Variants in ITFG1 observed in about 807,000 individuals in gnomAD.
ITFG1 encodes T-cell immunomodulatory protein.
A neutral mutation model predicts 81.8 loss-of-function variants in ITFG1; 34 were observed. The observed-to-expected ratio is 0.42, with a 90% CI of 0.32 to 0.55. The LOEUF (loss-of-function observed/expected upper bound fraction) is 0.55. ITFG1 is among the 20% of genes least tolerant of loss of function. The pLI is 0.17. For synonymous variants in ITFG1, 285 were observed against 270.6 expected (o/e 1.05, Z -0.52); for missense variants, 672 against 755.4 (o/e 0.89, Z 1.29).
At chr16:47,357,166 G>A (rs1968050562) in intron 8 of ITFG1, among the ~76,000 whole-genome samples, 1 of 151,866 alleles carries the variant, frequency 6.6e-6, no homozygotes, top group African/African-American at 2.4e-5. Flanking sequence ...TTAATTTGTG[G>A]GTTATATTAG....
intron 13 of ITFG1, among the ~76,000 whole-genome samples, chr16:47,231,948 T>C (rs368569047): frequency 1.3e-5 from 2 of 152,106 alleles, no homozygotes; most frequent in Admixed American, 6.5e-5. Context: ...AAGCTCCCCA[T>C]AGGAGAAAGA....
chr16:47,306,816 C>T (rs867916188), intron 10 of ITFG1, among the ~76,000 whole-genome samples: 18 of 151,958 alleles, frequency 1.2e-4, no homozygotes, highest in Admixed American at 3.3e-4. Flanking sequence ...AGAAAGAGGC[C>T]GGGCGCGGTG....
At chr16:47,436,388 ATTAT>A (rs1169922607) in intron 5 of ITFG1, among the ~76,000 whole-genome samples, 1 of 152,304 alleles carries the variant, frequency 6.6e-6, no homozygotes, top group Non-Finnish European at 1.5e-5. Context: ...TTGAAGTTGA[ATTAT>A]TTAAACTGTC....
intron 5 of ITFG1, among the ~76,000 whole-genome samples, chr16:47,445,247 GAAAAAAAAAAAAAAA>G (rs907756228): frequency 3.2e-5 from 1 of 30,820 alleles, no homozygotes; most frequent in Non-Finnish European, 6.8e-5. Flanking sequence ...CTCCGTCTCA[GAAAAAAAAAAAAAAA>G]AAAAAAAAAA....
chr16:47,288,776 T>C (rs1567446850), intron 10 of ITFG1, among the ~76,000 whole-genome samples: 2 of 152,150 alleles, frequency 1.3e-5, no homozygotes, highest in East Asian at 3.9e-4. Flanking sequence ...TGCACACCTG[T>C]AGTCCCAGCT....
At chr16:47,421,801 T>C (rs1968953723) in intron 6 of ITFG1, among the ~76,000 whole-genome samples, 1 of 152,128 alleles carries the variant, frequency 6.6e-6, no homozygotes, top group African/African-American at 2.4e-5. Flanking sequence ...TTACATTAGG[T>C]ATTTCTCCTA....
In ITFG1 at chr16:47,290,481, G is replaced by A. The variant is rs532362201; in HGVS notation, c.1070+20759C>T. ...TCTAAGAATATTTGCTTTATATATC[G>A]CAGTGCTCTGGTATTGAGTGTATTT... On this transcript the variant is annotated intron_variant, in intron 10 of 17. Coordinates refer to ENST00000320640, the MANE Select transcript of ITFG1 (RefSeq NM_030790.5). 9.9e-5 allele frequency among the ~76,000 whole-genome samples: 15 copies of A among 152,130 alleles called. No individual in the cohort carries two copies. In the East Asian group the frequency reaches 1.9e-3, roughly 20 times the overall value.
intron 14 of ITFG1, among the ~76,000 whole-genome samples, chr16:47,168,610 ATTCCTGGGCTCAAG>A (rs1964923243): frequency 6.7e-6 from 1 of 150,210 alleles, no homozygotes; most frequent in African/African-American, 2.5e-5. Flanking sequence ...CTGGTCTCAA[ATTCCTGGGCTCAAG>A]CAAGCCTTAT....
chr16:47,302,647 T>C (rs1363249728), intron 10 of ITFG1, among the ~76,000 whole-genome samples: 1 of 152,210 alleles, frequency 6.6e-6, no homozygotes, highest in Non-Finnish European at 1.5e-5. Flanking sequence ...AAATTAAAGA[T>C]AAATAAAGCC....
intron 14 of ITFG1, among the ~76,000 whole-genome samples, chr16:47,200,911 A>G (rs1965416708): frequency 6.6e-6 from 1 of 152,232 alleles, no homozygotes; most frequent in Non-Finnish European, 1.5e-5. Flanking sequence ...CGATATATGC[A>G]TCAAAGGGAA....
At chr16:47,166,725 T>A (rs1003769608) in intron 14 of ITFG1, among the ~76,000 whole-genome samples, 5 of 150,738 alleles carry the variant, frequency 3.3e-5, no homozygotes, top group African/African-American at 1.2e-4. Flanking sequence ...GGTAAAGGAA[T>A]TTTCCTAATC....
At chr16:47,409,850 A>C (rs1968788263) in intron 6 of ITFG1, among the ~76,000 whole-genome samples, 1 of 151,904 alleles carries the variant, frequency 6.6e-6, no homozygotes, top group Admixed American at 6.6e-5. Context: ...CTATATAGCC[A>C]AAAAAAACCT....
intron 7 of ITFG1, among the ~76,000 whole-genome samples, chr16:47,368,964 A>G (rs1252303404): frequency 6.6e-6 from 1 of 152,190 alleles, no homozygotes; most frequent in Non-Finnish European, 1.5e-5. Context: ...TTGGGGGAAA[A>G]GACAACACTT....
At chr16:47,439,448 AC>A (rs1280170342) in intron 5 of ITFG1, among the ~76,000 whole-genome samples, 1 of 152,228 alleles carries the variant, frequency 6.6e-6, no homozygotes, top group South Asian at 2.1e-4. Flanking sequence ...AGGTCGGGTA[AC>A]CCACAAAGGG....
intron 7 of ITFG1, among the ~76,000 whole-genome samples, chr16:47,368,913 C>G (rs1004055465): frequency 6.6e-6 from 1 of 152,036 alleles, no homozygotes; most frequent in Admixed American, 6.6e-5. Flanking sequence ...ACGTTCTGGC[C>G]ATAGTGAGAG....
chr16:47,440,228 A>G (rs371271673), intron 5 of ITFG1, among the ~76,000 whole-genome samples: 1 of 152,166 alleles, frequency 6.6e-6, no homozygotes, highest in Non-Finnish European at 1.5e-5. Flanking sequence ...CTCCCACACA[A>G]TAATAATGGG....
chr16:47,232,316 T>C (rs566406434), intron 13 of ITFG1, among the ~76,000 whole-genome samples: 1 of 152,362 alleles, frequency 6.6e-6, no homozygotes, highest in Admixed American at 6.5e-5. Context: ...TTTTCCAAAA[T>C]TACTGTAGAT....
intron 12 of ITFG1, among the ~76,000 whole-genome samples, chr16:47,248,173 T>C (rs1214088413): frequency 1.3e-5 from 2 of 152,194 alleles, no homozygotes; most frequent in Admixed American, 6.5e-5. Flanking sequence ...AAACAAACTA[T>C]AGATTCTATC....
intron 9 of ITFG1, 60 bp downstream of exon 9, chr16:47,313,669 A>G: frequency 1.1e-6 from 1 of 874,016 alleles, no homozygotes; most frequent in Non-Finnish European, 1.8e-6. Context: ...TTCTAACCTT[A>G]GAAGATTTTT....
Sources: allele counts gnomAD v4.1 joint callset (sites outside exome capture counted in the v4.1 genomes callset), GRCh38; gene constraint gnomAD v4.1.1; transcripts MANE v1.5; gene names NCBI Gene and HGNC (gene_info 2026-07-23, HGNC 2026-07-21).